SCAF11: variants seen among roughly 807,000 people sequenced by gnomAD.
The protein encoded by SCAF11 is SR-related CTD associated factor 11.
Under a neutral mutation model 140.5 loss-of-function variants are expected in SCAF11, and 47 were observed. The ratio of observed to expected loss-of-function variants is 0.33; its 90% confidence interval spans 0.26 to 0.43. SCAF11 has a LOEUF of 0.43. Ranked by LOEUF, SCAF11 falls within the 20% of genes least tolerant of loss-of-function variation. The pLI, the probability that SCAF11 is intolerant of heterozygous loss-of-function variation, is 1.00. For missense variants in SCAF11, 1,645 were observed against 1,705.1 expected, an observed-to-expected ratio of 0.96 and a Z score of 0.62; for synonymous variants, 557 against 579.4, an observed-to-expected ratio of 0.96 and a Z score of 0.55.
chr12:45,933,152 T>C lies in SCAF11; in HGVS notation c.713A>G (p.Asp238Gly), dbSNP rs1945091694. The C allele has an allele frequency of 5.0e-6, 8 of 1,610,012 alleles. No individual in the cohort carries two copies. Among genetic ancestry groups the C allele is most frequent in the Non-Finnish European group, 6.8e-6 (8 of 1,177,986 alleles). The part of the protein sequence containing the change: ...RHELELSWFP[D>G]TLPGIGRIGF... ...TTACCTTCCAATTCCAGGTAATGTA[T>C]CAGGAAACCATGACAATTCCAGTTC... is the stretch of plus-strand genomic sequence containing the variant. Residue 238 changes from aspartate to glycine, a missense_variant, in exon 9 of 15, where the codon GAT becomes GGT. Transcript: ENST00000369367.
chr12:45,987,085 G>C (rs758794586), intron 1 of SCAF11, among the ~76,000 whole-genome samples: 1 of 152,200 alleles, frequency 6.6e-6, no homozygotes, highest in African/African-American at 2.4e-5. Flanking sequence ...CTTAGGCTGG[G>C]TGTGGTGGTT....
intron 8 of SCAF11, among the ~76,000 whole-genome samples, chr12:45,933,859 T>C (rs1408710226): frequency 1.3e-5 from 2 of 152,276 alleles, no homozygotes; most frequent in African/African-American, 4.8e-5. Flanking sequence ...AGGGTTCTTC[T>C]TTAGGTAACA....
Position 45,961,847 on chromosome 12 carries a change from G to C in SCAF11, c.72C>G (p.Asn24Lys). 6.3e-7 allele frequency: 1 copy of C among 1,597,920 alleles called. No homozygotes were observed. Among genetic ancestry groups the C allele is most frequent in the Non-Finnish European group, 8.5e-7 (1 of 1,173,598 alleles). Residue 24 changes from asparagine to lysine, a missense_variant, in exon 3 of 15, where the codon AAC (asparagine) becomes AAG (lysine). Transcript: ENST00000369367. ...KKYEDMEGEE[N>K]GDNTISTGLL... ...GACCAGTGGAAATAGTATTATCTCCGTTTTCTTCACCTGTTAAAGTAAAAC... is the reference window on the plus strand; with the variant it reads ...GACCAGTGGAAATAGTATTATCTCCCTTTTCTTCACCTGTTAAAGTAAAAC...
chr12:45,956,545 A>G (rs1945696130), intron 3 of SCAF11, among the ~76,000 whole-genome samples: 1 of 152,192 alleles, frequency 6.6e-6, no homozygotes, highest in African/African-American at 2.4e-5. Context: ...GTCAATCCAT[A>G]TTAGTGAAAC....
chr12:45,921,027 G>A lies in SCAF11; in HGVS notation c.*1021C>T, dbSNP rs1036680614. The stretch of plus-strand genomic sequence containing the variant: ...GACGGAGATTTGCTCCTGTTGCCCA[G>A]GCTGGAGTGCAATGGCATGGTCTCG... On this transcript the variant is annotated 3_prime_UTR_variant, in exon 15 of 15. Coordinates refer to ENST00000369367, the MANE Select transcript of SCAF11 (RefSeq NM_004719.3). 2.0e-5 allele frequency: 3 copies of A among 151,924 alleles called. No homozygotes were observed. The highest frequency in any genetic ancestry group is 7.3e-5 in the African/African-American group (3 of 41,326). The allele number at this position is 151,924 out of a possible 1,614,324, so 9.4% of individuals were successfully genotyped here. A position where few individuals can be genotyped will look rare whatever the true frequency, so the allele number is the denominator to read the frequency against.
intron 3 of SCAF11, among the ~76,000 whole-genome samples, chr12:45,952,962 T>A (rs1009293222): frequency 6.6e-6 from 1 of 152,252 alleles, no homozygotes; most frequent in Non-Finnish European, 1.5e-5. Flanking sequence ...AGATTGTGTA[T>A]GGTCCTTGAT....
intron 6 of SCAF11, among the ~76,000 whole-genome samples, chr12:45,936,610 G>A (rs997953876): frequency 1.3e-5 from 2 of 151,964 alleles, no homozygotes; most frequent in Non-Finnish European, 2.9e-5. Context: ...CACTCTCCTG[G>A]CAAAACTCTT....
At chr12:45,972,934 A>ATATATAGATATATAGATATC (rs1946129112) in intron 1 of SCAF11, among the ~76,000 whole-genome samples, 1 of 54,480 alleles carries the variant, frequency 1.8e-5, no homozygotes, top group Admixed American at 1.7e-4. Flanking sequence ...ATATAGATAT[A>ATATATAGATATATAGATATC]TATAGATATA....
chr12:45,983,286 A>C (rs977275391), intron 1 of SCAF11, among the ~76,000 whole-genome samples: 1 of 152,214 alleles, frequency 6.6e-6, no homozygotes, highest in Non-Finnish European at 1.5e-5. Context: ...AATGGAAAGA[A>C]GACTAGATAT....
At chr12:45,984,952 C>T (rs1946428465) in intron 1 of SCAF11, among the ~76,000 whole-genome samples, 1 of 152,194 alleles carries the variant, frequency 6.6e-6, no homozygotes, top group African/African-American at 2.4e-5. Flanking sequence ...GCCTTGGCCT[C>T]CCAAAGTGCT....
At chr12:45,965,226 A>G (rs1362627640) in intron 1 of SCAF11, among the ~76,000 whole-genome samples, 1 of 152,226 alleles carries the variant, frequency 6.6e-6, no homozygotes, top group Non-Finnish European at 1.5e-5. Context: ...GTATGGATTG[A>G]ATTACAATGG....
chr12:45,954,734 T>G (rs1399555088), intron 3 of SCAF11: 1 of 45,964 alleles, frequency 2.2e-5, no homozygotes, highest in Non-Finnish European at 3.5e-5. Context: ...CGTGCCTAGC[T>G]TTTTTTTTTT....
Position 45,934,196 on chromosome 12 carries a change from G to A in SCAF11, c.612C>T (p.Ser204=). Residue 204 remains serine (S), a synonymous_variant, in exon 8 of 15, where the codon TCC becomes TCT. Transcript: ENST00000369367. ...FSSVSHSGES[S]FTYRAYCTEF... is the part of the protein sequence containing the mutation. ...CTAACCAATAAGCTCTATAGGTAAA[G>A]GAAGATTCTCCAGAGTGGCTAACAG... 6.3e-7 allele frequency: 1 copy of A among 1,594,458 alleles called. No homozygotes were observed. The highest frequency in any genetic ancestry group is 1.1e-5 in the South Asian group (1 of 89,884).
In SCAF11 at chr12:45,930,769, T is replaced by A. The variant is rs183478231; in HGVS notation, c.841+737A>T. On this transcript the variant is annotated intron_variant, in intron 10 of 14. Transcript: ENST00000369367. ...ACTTGTTATCATAGATTTGTATATA[T>A]TTTATGGTAGTAAATGATGAAATAG... 4.1e-3 allele frequency among the ~76,000 whole-genome samples: 631 copies of A among 152,304 alleles called. 6 individuals carry two copies. Among genetic ancestry groups the A allele is most frequent in the African/African-American group, 0.013 (550 of 41,566 alleles).
intron 4 of SCAF11, among the ~76,000 whole-genome samples, chr12:45,951,207 A>G: frequency 6.6e-6 from 1 of 152,118 alleles, no homozygotes. Flanking sequence ...TTTGGACTTA[A>G]GGTTTTGTGG....
In SCAF11 at chr12:45,972,947, T is replaced by G. The variant is rs962871207; in HGVS notation, c.-21-8759A>C. 3.1e-4 allele frequency among the ~76,000 whole-genome samples: 38 copies of G among 121,434 alleles called. 1 individual carries two copies. The highest frequency in any genetic ancestry group is 2.9e-3 in the Admixed American group (35 of 12,224). The allele number at this position is 121,434 out of a possible 152,430, so 79.7% of individuals were successfully genotyped here. Reference sequence around the variant, plus strand: ...ATATATAGATATATATAGATATATATATAGATATATAGATATATATATAGA... The same window carrying G: ...ATATATAGATATATATAGATATATAGATAGATATATAGATATATATATAGA... On this transcript the variant is annotated intron_variant, in intron 1 of 14. Transcript: ENST00000369367.
chr12:45,950,311 A>G (rs971702874), intron 4 of SCAF11, among the ~76,000 whole-genome samples: 1 of 152,212 alleles, frequency 6.6e-6, no homozygotes, highest in Non-Finnish European at 1.5e-5. Flanking sequence ...TGAAGATTCG[A>G]AAGAAGTAAA....
rs777257341 is a variant in SCAF11, at chr12:45,972,921, GATATATAGATATATATAGAT to G, written c.-21-8753_-21-8734del. On this transcript the variant is annotated intron_variant, in intron 1 of 14. Coordinates refer to ENST00000369367, the MANE Select transcript of SCAF11 (RefSeq NM_004719.3). ...ATATATATATATAGATATATATATA[GATATATAGATATATATAGAT>G]ATATATATAGATATATAGATATATA... Among the ~76,000 whole-genome samples, 38 of 59,704 alleles carry G rather than the reference GATATATAGATATATATAGAT, an allele frequency of 6.4e-4. 1 individual carries two copies. Among genetic ancestry groups the G allele is most frequent in the Admixed American group, 7.4e-4 (5 of 6,732 alleles). The allele number at this position is 59,704 out of a possible 152,430, so 39.2% of individuals were successfully genotyped here. A position where few individuals can be genotyped will look rare whatever the true frequency, so the allele number is the denominator to read the frequency against.
chr12:45,991,914 T>C, upstream of SCAF11: 1 of 1,287,220 alleles, frequency 7.8e-7, no homozygotes, highest in Non-Finnish European at 1.0e-6. Flanking sequence ...AGCCGCGCGC[T>C]CACACGTTTT....
Sources: gnomAD v4.1 joint callset for allele counts (sites outside exome capture counted in the v4.1 genomes callset) on GRCh38, gnomAD v4.1.1 for gene constraint, MANE v1.5 for transcripts, NCBI Gene and HGNC (gene_info 2026-07-23, HGNC 2026-07-21) for gene names.